GABRB1: variants seen among roughly 807,000 people sequenced by gnomAD.
The protein encoded by GABRB1 is gamma-aminobutyric acid type A receptor subunit beta1.
In GABRB1, 17 loss-of-function variants were observed where a neutral mutation model predicts 51.6. The observed-to-expected ratio is 0.33, with a 90% CI of 0.23 to 0.49. The LOEUF (loss-of-function observed/expected upper bound fraction) is 0.49, where lower values mean the gene tolerates loss of function less well. GABRB1 is among the 20% of genes least tolerant of loss of function. GABRB1 has a pLI of 0.99. For missense variants in GABRB1, 410 were observed against 600.6 expected, an observed-to-expected ratio of 0.68 and a Z score of 3.32; for synonymous variants, 247 against 218.9, an observed-to-expected ratio of 1.13 and a Z score of -1.14.
At chr4:47,271,862 A>G (rs921075873) in intron 4 of GABRB1, among the ~76,000 whole-genome samples, 2 of 152,168 alleles carry the variant, frequency 1.3e-5, no homozygotes, top group African/African-American at 4.8e-5. Flanking sequence ...GTGATCCTAA[A>G]TATCAGGGAG....
intron 3 of GABRB1, among the ~76,000 whole-genome samples, chr4:47,079,982 A>G (rs2109564377): frequency 1.3e-5 from 2 of 152,228 alleles, no homozygotes; most frequent in South Asian, 4.2e-4. Flanking sequence ...CATGTACCCT[A>G]AAACTTAAAG....
intron 3 of GABRB1, among the ~76,000 whole-genome samples, chr4:47,084,145 T>C (rs1002775203): frequency 3.3e-5 from 5 of 152,188 alleles, no homozygotes; most frequent in Non-Finnish European, 5.9e-5. Flanking sequence ...ATAAATTAAA[T>C]TGAAAGTCTC....
intron 5 of GABRB1, among the ~76,000 whole-genome samples, chr4:47,376,748 A>G (rs1486385416): frequency 1.3e-5 from 2 of 149,980 alleles, no homozygotes; most frequent in African/African-American, 5.1e-5. Context: ...GAGCAGTGAA[A>G]GGAAATGGAA....
chr4:47,128,437 A>C (rs1011158606), intron 3 of GABRB1, among the ~76,000 whole-genome samples: 1 of 151,958 alleles, frequency 6.6e-6, no homozygotes, highest in Non-Finnish European at 1.5e-5. Context: ...CTATTAGACT[A>C]ATCAAATAAG....
At chr4:47,008,853 C>CTTTTTTT (rs1491180948) in intron 1 of GABRB1, among the ~76,000 whole-genome samples, 3 of 80,066 alleles carry the variant, frequency 3.7e-5, no homozygotes, top group African/African-American at 1.6e-4. Flanking sequence ...CAGATACTAC[C>CTTTTTTT]TTTTTTTTTT....
intron 5 of GABRB1, among the ~76,000 whole-genome samples, chr4:47,369,541 G>A (rs1727113444): frequency 6.6e-6 from 1 of 152,056 alleles, no homozygotes. Context: ...TGTGACAACA[G>A]TTATTAAGCC....
At chr4:47,190,106 C>T (rs188938168) in intron 4 of GABRB1, among the ~76,000 whole-genome samples, 86 of 152,144 alleles carry the variant, frequency 5.7e-4, no homozygotes, top group Non-Finnish European at 2.6e-4. Flanking sequence ...ACTTTGAATT[C>T]CTATTTTATC....
chr4:47,127,821 T>A (rs1716227242), intron 3 of GABRB1, among the ~76,000 whole-genome samples: 2 of 151,834 alleles, frequency 1.3e-5, no homozygotes, highest in Non-Finnish European at 3.0e-5. Context: ...AATTAAAGAT[T>A]CATATTGTGA....
Position 46,996,614 on chromosome 4 carries a change from C to G in GABRB1, c.-20+2688C>G, listed in dbSNP as rs73813769. Among the ~76,000 whole-genome samples, 309 of 152,208 alleles carry G rather than the reference C, an allele frequency of 2.0e-3. 2 individuals carry two copies. The highest frequency in any genetic ancestry group is 6.8e-3 in the African/African-American group (282 of 41,556). On this transcript the variant is annotated intron_variant, in intron 1 of 3. Transcript: ENST00000513567. ...CAACATTTTAATATAAAAGATAACT[C>G]AAATATTAGAACATTTGACCAAACA...
chr4:47,068,439 A>C (rs1727177705), intron 3 of GABRB1, among the ~76,000 whole-genome samples: 2 of 152,216 alleles, frequency 1.3e-5, no homozygotes, highest in Admixed American at 1.3e-4. Flanking sequence ...CTTCCTGGCT[A>C]AGCTTAATCA....
At chr4:47,210,675 G>C (rs991959676) in intron 4 of GABRB1, among the ~76,000 whole-genome samples, 2 of 151,020 alleles carry the variant, frequency 1.3e-5, no homozygotes, top group Non-Finnish European at 3.0e-5. Context: ...TGGCTGTATA[G>C]TATTCATTCA....
At chr4:47,060,422 C>T (rs1338616228) in intron 3 of GABRB1, among the ~76,000 whole-genome samples, 2 of 151,892 alleles carry the variant, frequency 1.3e-5, no homozygotes, top group African/African-American at 4.8e-5. Flanking sequence ...GCCCCATAAC[C>T]GCAGAATAAA....
chr4:47,003,313 T>G (rs1177087683), intron 1 of GABRB1, among the ~76,000 whole-genome samples: 1 of 152,218 alleles, frequency 6.6e-6, no homozygotes, highest in Non-Finnish European at 1.5e-5. Context: ...TACAGACTGT[T>G]GTAATTCTGT....
At chr4:47,033,647 T>C (rs577046404) in intron 3 of GABRB1, among the ~76,000 whole-genome samples, 14 of 152,252 alleles carry the variant, frequency 9.2e-5, no homozygotes, top group South Asian at 2.1e-4. Flanking sequence ...TATTTTAATA[T>C]ACTATGGTTT....
chr4:47,143,304 A>G (rs532683831), intron 3 of GABRB1, among the ~76,000 whole-genome samples: 24 of 151,900 alleles, frequency 1.6e-4, no homozygotes, highest in Non-Finnish European at 2.7e-4. Flanking sequence ...TGCTGACTTC[A>G]GGCAGTTTGT....
intron 3 of GABRB1, among the ~76,000 whole-genome samples, chr4:47,156,943 G>A (rs2109729659): frequency 6.6e-6 from 1 of 152,134 alleles, no homozygotes; most frequent in Admixed American, 6.5e-5. Flanking sequence ...ACTCCAGCCT[G>A]GGTGACAGAG....
At chr4:47,413,801 C>T (rs1728833886) in intron 8 of GABRB1, among the ~76,000 whole-genome samples, 1 of 152,184 alleles carries the variant, frequency 6.6e-6, no homozygotes, top group South Asian at 2.1e-4. Flanking sequence ...ATATTTCCTC[C>T]AGCTGCTCTG....
At chr4:47,206,799 T>C (rs950980120) in intron 4 of GABRB1, among the ~76,000 whole-genome samples, 8 of 151,654 alleles carry the variant, frequency 5.3e-5, no homozygotes, top group Non-Finnish European at 1.0e-4. Flanking sequence ...AGCTAGAGAA[T>C]ATAATTTGTT....
At chr4:47,243,427 G>A (rs1721612064) in intron 4 of GABRB1, among the ~76,000 whole-genome samples, 1 of 152,188 alleles carries the variant, frequency 6.6e-6, no homozygotes, top group Non-Finnish European at 1.5e-5. Context: ...TGTGAAGAAA[G>A]TCATTGGTAG....
Sources: allele counts gnomAD v4.1 joint callset (sites outside exome capture counted in the v4.1 genomes callset), GRCh38; gene constraint gnomAD v4.1.1; transcripts MANE v1.5; gene names NCBI Gene and HGNC (gene_info 2026-07-23, HGNC 2026-07-21).